PRKAA1: variants seen among roughly 807,000 people sequenced by gnomAD.
The protein encoded by PRKAA1 is 5'-AMP-activated protein kinase catalytic subunit alpha-1.
In PRKAA1, 23 loss-of-function variants were observed where a neutral mutation model predicts 56.9. The ratio of observed to expected loss-of-function variants is 0.40; its 90% CI spans 0.29 to 0.57. PRKAA1 has a LOEUF of 0.57. PRKAA1 is among the 20% of genes least tolerant of loss of function. PRKAA1 has a pLI of 0.39. For missense variants in PRKAA1, 413 were observed against 679.7 expected, an observed-to-expected ratio of 0.61 and a Z score of 4.36; for synonymous variants, 226 against 227.0, an observed-to-expected ratio of 1.00 and a Z score of 0.04.
intron 6 of PRKAA1, among the ~76,000 whole-genome samples, chr5:40,765,824 C>G (rs1462588987): frequency 6.6e-6 from 1 of 152,048 alleles, no homozygotes; most frequent in African/African-American, 2.4e-5. Context: ...TGACCCAGTT[C>G]TGTGTGACTG....
At position 40,762,619 on chromosome 5, in the gene PRKAA1, C is replaced by T. The variant is rs938377896; in HGVS notation, c.*159G>A. 20 of 875,952 alleles carry T rather than the reference C, an allele frequency of 2.3e-5. 1 individual carries two copies. Among genetic ancestry groups the T allele is most frequent in the Non-Finnish European group, 3.4e-5 (20 of 590,028 alleles). The allele number at this position is 875,952 out of a possible 1,614,324, so 54.3% of individuals were successfully genotyped here. A position where few individuals can be genotyped will look rare whatever the true frequency, so the allele number is the denominator to read the frequency against. On this transcript the variant is annotated 3_prime_UTR_variant, in exon 9 of 9. Coordinates refer to ENST00000397128, the MANE Select transcript of PRKAA1 (RefSeq NM_006251.6). ...TCTTAATTCATTTCTGCATATTAGG[C>T]TTTTAACTATAAATCATGTTCCAAT... is the stretch of plus-strand genomic sequence containing the variant.
chr5:40,764,339 A>G (rs1318793063), intron 8 of PRKAA1, 175 bp downstream of exon 8: 1 of 615,682 alleles, frequency 1.6e-6, no homozygotes, highest in Non-Finnish European at 2.6e-6. Context: ...CTATAAGATT[A>G]CAAGAAAAAT....
intron 1 of PRKAA1, among the ~76,000 whole-genome samples, chr5:40,779,965 A>G (rs1744195527): frequency 6.6e-6 from 1 of 152,220 alleles, no homozygotes. Context: ...GCAGTATTAG[A>G]AATGATGCAA....
chr5:40,789,935 T>G (rs949062089), intron 1 of PRKAA1: 4 of 152,222 alleles, frequency 2.6e-5, no homozygotes, highest in Admixed American at 6.5e-5. Context: ...ATTTTCTTTT[T>G]TATTTACTTA....
In PRKAA1 at chr5:40,771,839, G is replaced by C. The variant is rs371783627; in HGVS notation, c.388C>G (p.Leu130Val). 6.2e-7 allele frequency: 1 copy of C among 1,609,340 alleles called. No individual in the cohort carries two copies. The highest frequency in any genetic ancestry group is 2.2e-5 in the East Asian group (1 of 44,780). The change falls in exon 4 of 9, where the codon CTG (leucine) becomes GTG (valine). Residue 130 changes from leucine to valine, a missense_variant. Coordinates refer to ENST00000397128, the MANE Select transcript of PRKAA1 (RefSeq NM_006251.6). Reference protein sequence around the residue: ...GRLDEKESRRLFQQILSGVDY... With the variant: ...GRLDEKESRRVFQQILSGVDY... The stretch of plus-strand genomic sequence containing the variant: ...ACACCAGAAAGGATCTGTTGGAACA[G>C]ACGCCGACTTTCTTTTTCATCCAGC...
chr5:40,786,428 G>T (rs971997147), intron 1 of PRKAA1, among the ~76,000 whole-genome samples: 1 of 151,984 alleles, frequency 6.6e-6, no homozygotes, highest in African/African-American at 2.4e-5. Flanking sequence ...GCATTGTTAC[G>T]GCAGCCCTAG....
At chr5:40,780,447 G>A (rs1744221250) in intron 1 of PRKAA1, among the ~76,000 whole-genome samples, 1 of 152,106 alleles carries the variant, frequency 6.6e-6, no homozygotes, top group Non-Finnish European at 1.5e-5. Flanking sequence ...ATTCTTGAGA[G>A]ACATAACCAA....
intron 1 of PRKAA1, among the ~76,000 whole-genome samples, chr5:40,784,736 A>G (rs1744399489): frequency 6.6e-6 from 1 of 152,166 alleles, no homozygotes; most frequent in Non-Finnish European, 1.5e-5. Context: ...CACTCTCACC[A>G]ACCTGGAAGA....
intron 1 of PRKAA1, among the ~76,000 whole-genome samples, chr5:40,779,920 A>G (rs538603703): frequency 6.6e-6 from 1 of 152,112 alleles, no homozygotes; most frequent in East Asian, 1.9e-4. Flanking sequence ...AAAATGAATT[A>G]GAATTCTCTA....
intron 4 of PRKAA1, among the ~76,000 whole-genome samples, chr5:40,770,738 C>T (rs1285792986): frequency 2.7e-5 from 4 of 149,574 alleles, no homozygotes; most frequent in Non-Finnish European, 4.4e-5. Flanking sequence ...ACTATAGGCA[C>T]GCACCACCAT....
At chr5:40,774,104 CTA>C (rs1579728048) in intron 3 of PRKAA1, among the ~76,000 whole-genome samples, 1 of 152,182 alleles carries the variant, frequency 6.6e-6, no homozygotes, top group African/African-American at 2.4e-5. Context: ...AAGTCCCTAC[CTA>C]TTCAAGCTAT....
intron 1 of PRKAA1, among the ~76,000 whole-genome samples, chr5:40,781,496 T>C (rs941524025): frequency 2.6e-5 from 4 of 152,062 alleles, no homozygotes; most frequent in African/African-American, 4.8e-5. Flanking sequence ...CAGTAACATA[T>C]GGAGAAGGCC....
chr5:40,767,457 C>G lies in PRKAA1; in HGVS notation c.821+9G>C. On this transcript the variant is annotated intron_variant, in intron 6 of 8. Coordinates refer to ENST00000397128, the MANE Select transcript of PRKAA1 (RefSeq NM_006251.6). ...ATCAGATCTGATAACTTCCAAACTG[C>G]TTTATTACCTGATATCTTTGATTGT... 1 of 1,597,940 alleles carries G rather than the reference C, an allele frequency of 6.3e-7. No individual in the cohort carries two copies. Among genetic ancestry groups the G allele is most frequent in the Non-Finnish European group, 8.6e-7 (1 of 1,166,092 alleles).
At chr5:40,766,218 C>T (rs892250509) in intron 6 of PRKAA1, among the ~76,000 whole-genome samples, 37 of 152,096 alleles carry the variant, frequency 2.4e-4, no homozygotes, top group African/African-American at 8.2e-4. Flanking sequence ...TAGTCTAAAA[C>T]GTGTAGTAAG....
At chr5:40,763,458 A>G (rs1743286543) in intron 8 of PRKAA1, among the ~76,000 whole-genome samples, 1 of 152,236 alleles carries the variant, frequency 6.6e-6, no homozygotes, top group Admixed American at 6.5e-5. Flanking sequence ...GACTTGCCCA[A>G]GGTAACAAAT....
intron 8 of PRKAA1, 87 bp from the exon 9 acceptor site, chr5:40,763,109 G>A (rs543442996): frequency 1.5e-4 from 210 of 1,382,996 alleles, no homozygotes; most frequent in Non-Finnish European, 2.0e-4. Flanking sequence ...TCTTTAAGTG[G>A]GGCTGCTGGC....
intron 1 of PRKAA1, among the ~76,000 whole-genome samples, chr5:40,794,038 G>A (rs1461650446): frequency 6.6e-6 from 1 of 151,568 alleles, no homozygotes; most frequent in Admixed American, 6.6e-5. Context: ...GGAGGCAGAG[G>A]TTGCAATGAG....
intron 1 of PRKAA1, among the ~76,000 whole-genome samples, chr5:40,779,361 A>G (rs1744166636): frequency 6.6e-6 from 1 of 152,200 alleles, no homozygotes; most frequent in South Asian, 2.1e-4. Context: ...ATAATTTGTA[A>G]AAAGTTCTCT....
chr5:40,763,030 AAAAG>A lies in PRKAA1; in HGVS notation c.1436-12_1436-9del. On this transcript the variant is annotated splice_polypyrimidine_tract_variant and intron_variant, in intron 8 of 8. Coordinates refer to ENST00000397128, the MANE Select transcript of PRKAA1 (RefSeq NM_006251.6). ...TGGCTTCTGTAATTTCATCTGGGTA[AAAAG>A]AATTTCAATTTATTATAGTCTATGA... 6.2e-7 allele frequency: 1 copy of A among 1,613,252 alleles called. No homozygotes were observed. The highest frequency in any genetic ancestry group is 8.5e-7 in the Non-Finnish European group (1 of 1,179,376).
Sources: allele counts gnomAD v4.1 joint callset (sites outside exome capture counted in the v4.1 genomes callset), GRCh38; gene constraint gnomAD v4.1.1; transcripts MANE v1.5; gene names NCBI Gene and HGNC (gene_info 2026-07-23, HGNC 2026-07-21).